The following GPR35 variants were observed in gnomAD, a reference collection of about 807,000 sequenced individuals.
The protein encoded by GPR35 is KYNA receptor.
For missense variants in GPR35, 372 were observed against 422.5 expected (o/e 0.88, Z 1.05); for synonymous variants, 207 against 198.4 (o/e 1.04, Z -0.36).
At chr2:240,624,498 C>T (rs574176221), upstream of GPR35, among the ~76,000 whole-genome samples, 244 of 152,352 alleles carry the variant, frequency 1.6e-3, no homozygotes, top group Non-Finnish European at 2.5e-3. Context: ...CCTGGTCTGG[C>T]TCAGGAGGCC....
At chr2:240,621,089 C>G (rs2043288140), upstream of GPR35, among the ~76,000 whole-genome samples, 1 of 152,168 alleles carries the variant, frequency 6.6e-6, no homozygotes, top group South Asian at 2.1e-4. Context: ...GTACTCACAT[C>G]CTCTCTCGGG....
intron 2 of GPR35, among the ~76,000 whole-genome samples, chr2:240,612,202 G>A (rs915620314): frequency 8.6e-5 from 13 of 151,282 alleles, no homozygotes; most frequent in Non-Finnish European, 7.4e-5. Flanking sequence ...AGGCCGAGGC[G>A]GGCGGATCAT....
Position 240,633,040 on chromosome 2 carries a change from A to G in GPR35, c.*2158A>G, listed in dbSNP as rs949648751. The stretch of plus-strand genomic sequence containing the variant: ...GCTCTTCCCTTCACTTCTCCTTCCT[A>G]CTGTCTTATGAAGAAGGTTCCTTGC... On this transcript the variant is annotated 3_prime_UTR_variant, in exon 2 of 2. Coordinates refer to ENST00000407714, the MANE Select transcript of GPR35 (RefSeq NM_005301.5). 6.6e-6 allele frequency among the ~76,000 whole-genome samples: 1 copy of G among 152,078 alleles called. No individual in the cohort carries two copies.
At chr2:240,627,079 C>T (rs1478376697) in intron 1 of GPR35, among the ~76,000 whole-genome samples, 2 of 152,202 alleles carry the variant, frequency 1.3e-5, no homozygotes, top group African/African-American at 4.8e-5. Flanking sequence ...GGAAGGGCCC[C>T]ATCCCCACGG....
upstream of GPR35, among the ~76,000 whole-genome samples, chr2:240,623,904 G>C (rs560388589): frequency 1.3e-5 from 2 of 151,996 alleles, no homozygotes; most frequent in Non-Finnish European, 2.9e-5. Flanking sequence ...GCCAGGCCAC[G>C]TCAGGGAGGC....
chr2:240,620,679 G>T (rs1294431187), upstream of GPR35, among the ~76,000 whole-genome samples: 1 of 152,088 alleles, frequency 6.6e-6, no homozygotes, highest in African/African-American at 2.4e-5. Context: ...TGTGGGGATG[G>T]GGCCATCACA....
exon 4 of GPR35, chr2:240,617,314 C>G: frequency 1.4e-6 from 1 of 704,874 alleles, no homozygotes; most frequent in South Asian, 1.5e-5. Flanking sequence ...AGCAGAGGAC[C>G]CAGTTTGGCA....
At chr2:240,618,070 C>T (rs2043257113) in intron 4 of GPR35, among the ~76,000 whole-genome samples, 1 of 147,920 alleles carries the variant, frequency 6.8e-6, no homozygotes, top group African/African-American at 2.5e-5. Flanking sequence ...AGAACTAAGG[C>T]TTTTTTTTTT....
At chr2:240,622,556 A>C (rs1032300516), upstream of GPR35, among the ~76,000 whole-genome samples, 1 of 152,224 alleles carries the variant, frequency 6.6e-6, no homozygotes, top group African/African-American at 2.4e-5. Flanking sequence ...CGTAAATCTC[A>C]TAATGTTTTA....
Position 240,631,588 on chromosome 2 carries a change from C to T in GPR35, c.*706C>T, listed in dbSNP as rs1413303663. ...GGTGAGGGTGGGTTGGGGTGGGTGG[C>T]AGTGAAGGGGGTGGCCAGGGTCTGT... is the stretch of plus-strand genomic sequence containing the variant. On this transcript the variant is annotated 3_prime_UTR_variant, in exon 2 of 2. Transcript: ENST00000407714. Among the ~76,000 whole-genome samples the T allele has an allele frequency of 6.6e-6, 1 of 151,898 alleles. No homozygotes were observed. Among genetic ancestry groups the T allele is most frequent in the Non-Finnish European group, 1.5e-5 (1 of 67,922 alleles).
At chr2:240,627,185 C>T (rs1028169490) in intron 1 of GPR35, among the ~76,000 whole-genome samples, 4 of 152,224 alleles carry the variant, frequency 2.6e-5, no homozygotes, top group East Asian at 1.9e-4. Flanking sequence ...CTACGGTCCA[C>T]GGCCTGGACA....
In GPR35 at chr2:240,625,920, GTCTCAGAGTGGGGTGAGGCTGTGATGGGT is replaced by G. The variant is rs1330595346; in HGVS notation, c.-5+361_-5+389del. On this transcript the variant is annotated intron_variant, in intron 1 of 1. Transcript: ENST00000407714. ...CAGAGTGGGGTGAGGCTCTGATGGG[GTCTCAGAGTGGGGTGAGGCTGTGATGGGT>G]TCTCAGAGCAGGGTGAGGCTGTGAT... is the stretch of plus-strand genomic sequence containing the variant. Among the ~76,000 whole-genome samples, 288 of 140,548 alleles carry G rather than the reference GTCTCAGAGTGGGGTGAGGCTGTGATGGGT, an allele frequency of 2.0e-3. 38 individuals carry two copies. Among genetic ancestry groups the G allele is most frequent in the Non-Finnish European group, 3.1e-3 (200 of 64,148 alleles). The allele number at this position is 140,548 out of a possible 152,430, so 92.2% of individuals were successfully genotyped here.
chr2:240,616,840 G>C, intron 3 of GPR35: 1 of 707,500 alleles, frequency 1.4e-6, no homozygotes, highest in Admixed American at 2.0e-5. Context: ...TCTCTCGCTG[G>C]CTCTGGGGTA....
chr2:240,613,063 G>A (rs2043201142), intron 2 of GPR35, among the ~76,000 whole-genome samples: 1 of 152,256 alleles, frequency 6.6e-6, no homozygotes, highest in Non-Finnish European at 1.5e-5. Context: ...CATGAGCTGT[G>A]GCAGACCTTC....
At chr2:240,619,036 G>A (rs1211795728) in intron 5 of GPR35, 1 of 702,154 alleles carries the variant, frequency 1.4e-6, no homozygotes, top group Non-Finnish European at 2.6e-6. Flanking sequence ...CTCTCTGTGA[G>A]TACATTCCTA....
Position 240,630,670 on chromosome 2 carries a change from C to A in GPR35, c.718C>A (p.Arg240Ser), listed in dbSNP as rs377190882. ...FLPLHVGLTV[R>S]LAVGWNACAL... ...GCCCCTGCACGTGGGGCTGACAGTGCGCCTCGCAGTGGGCTGGAACGCCTG... is the reference window on the plus strand; with the variant it reads ...GCCCCTGCACGTGGGGCTGACAGTGAGCCTCGCAGTGGGCTGGAACGCCTG... The change falls in exon 2 of 2, where the codon CGC (arginine) becomes AGC (serine). Residue 240 changes from arginine to serine, a missense_variant. Transcript: ENST00000407714. 197 of 1,613,120 alleles carry A rather than the reference C, an allele frequency of 1.2e-4. No homozygotes were observed. The highest frequency in any genetic ancestry group is 1.6e-4 in the Non-Finnish European group (193 of 1,180,030).
rs2043433560 is a variant in GPR35, at chr2:240,630,610, TG to T, written c.661del (p.Ala221ProfsTer17). Reference sequence around the variant, plus strand: ...CACCCGCAAGGCTGCCCGCATGGTCTGGGCCAACCTCCTGGTGTTCGTGGTC... The same window carrying T: ...CACCCGCAAGGCTGCCCGCATGGTCTGGCCAACCTCCTGGTGTTCGTGGTC... ...EATRKAARMV[W>X]ANLLVFVVCF... On this transcript the variant is annotated frameshift_variant, in exon 2 of 2. Transcript: ENST00000407714. LOFTEE classifies it low-confidence loss of function (END_TRUNC). 8.1e-6 allele frequency: 13 copies of T among 1,612,926 alleles called. No homozygotes were observed. Among genetic ancestry groups the T allele is most frequent in the Non-Finnish European group, 1.1e-5 (13 of 1,179,992 alleles).
At position 240,631,145 on chromosome 2, in the gene GPR35, C is replaced by A. The variant is rs2043443684; in HGVS notation, c.*263C>A. The A allele has an allele frequency of 1.9e-6, 1 of 529,482 alleles. No homozygotes were observed. Among genetic ancestry groups the A allele is most frequent in the Admixed American group, 3.3e-5 (1 of 30,004 alleles). The allele number at this position is 529,482 out of a possible 1,614,324, so 32.8% of individuals were successfully genotyped here. On this transcript the variant is annotated 3_prime_UTR_variant, in exon 2 of 2. Coordinates refer to ENST00000407714, the MANE Select transcript of GPR35 (RefSeq NM_005301.5). Reference sequence around the variant, plus strand: ...GGATGGGGCCTCACACTTGCCACCCCCAGAACCAGCTCACCTGGCCAGAGT... The same window carrying A: ...GGATGGGGCCTCACACTTGCCACCCACAGAACCAGCTCACCTGGCCAGAGT...
chr2:240,630,060 G>A lies in GPR35; in HGVS notation c.108G>A (p.Leu36=). Residue 36 remains leucine (L), a synonymous_variant, in exon 2 of 2, where the codon CTG becomes CTA. Transcript: ENST00000407714. ...YLGVLLVLGL[L]LNSLALWVFC... is the part of the protein sequence containing the mutation. ...GCGTCCTGCTGGTGCTAGGCCTGCTGCTCAACAGCCTGGCGCTCTGGGTGT... is the reference window on the plus strand; with the variant it reads ...GCGTCCTGCTGGTGCTAGGCCTGCTACTCAACAGCCTGGCGCTCTGGGTGT... 1 of 1,612,214 alleles carries A rather than the reference G, an allele frequency of 6.2e-7. No homozygotes were observed.
Sources: gnomAD v4.1 joint callset for allele counts (sites outside exome capture counted in the v4.1 genomes callset) on GRCh38, gnomAD v4.1.1 for gene constraint, MANE v1.5 for transcripts, NCBI Gene and HGNC (gene_info 2026-07-23, HGNC 2026-07-21) for gene names.